The following DOCK7 variants were observed in gnomAD, a reference collection of about 807,000 sequenced individuals.
The protein encoded by DOCK7 is dedicator of cytokinesis 7.
Under a neutral mutation model 271.0 loss-of-function variants are expected in DOCK7, and 138 were observed. That is an observed-to-expected ratio of 0.51 (90% confidence interval 0.44 to 0.59). DOCK7 has a LOEUF of 0.59. Among genes scored for constraint, DOCK7 ranks in the 20% least tolerant of loss-of-function variants. The pLI, the probability that DOCK7 is intolerant of heterozygous loss-of-function variation, is 0.00. For synonymous variants in DOCK7, 823 were observed against 876.1 expected, an observed-to-expected ratio of 0.94 and a Z score of 1.07; for missense variants, 2,066 against 2,592.4, an observed-to-expected ratio of 0.80 and a Z score of 4.41.
chr1:62,515,400 G>C (rs1043250522), intron 31 of DOCK7, among the ~76,000 whole-genome samples: 3 of 152,168 alleles, frequency 2.0e-5, no homozygotes, highest in Non-Finnish European at 4.4e-5. Flanking sequence ...TAAGGAAAAT[G>C]CTCCTTTATT....
Position 62,475,921 on chromosome 1 carries a change from A to G in DOCK7, c.5747T>C (p.Val1916Ala). 1 of 1,613,906 alleles carries G rather than the reference A, an allele frequency of 6.2e-7. No individual in the cohort carries two copies. Among genetic ancestry groups the G allele is most frequent in the Non-Finnish European group, 8.5e-7 (1 of 1,179,892 alleles). ...CTCATATGTGTCAAAGTATGGCTCC[A>G]CATAGGTAATCTGAATATATGCCTA... is the stretch of plus-strand genomic sequence containing the variant. ...PNKAYIQITY[V>A]EPYFDTYEMK... The change falls in exon 46 of 50, where the codon GTG (valine) becomes GCG (alanine). Residue 1916 changes from valine (V) to alanine (A), a missense_variant. Coordinates refer to ENST00000635253, the MANE Select transcript of DOCK7 (RefSeq NM_001367561.1).
At chr1:62,662,297 A>C (rs1246450729) in intron 2 of DOCK7, among the ~76,000 whole-genome samples, 1 of 152,188 alleles carries the variant, frequency 6.6e-6, no homozygotes, top group Non-Finnish European at 1.5e-5. Flanking sequence ...TTCTTTAATA[A>C]GAGAACATTT....
At chr1:62,684,942 T>C (rs895386318) in intron 1 of DOCK7, among the ~76,000 whole-genome samples, 1 of 152,214 alleles carries the variant, frequency 6.6e-6, no homozygotes, top group East Asian at 1.9e-4. Flanking sequence ...ATAATTCTTT[T>C]TAAAGTATAG....
intron 1 of DOCK7, among the ~76,000 whole-genome samples, chr1:62,668,717 A>C (rs1659591176): frequency 6.6e-6 from 1 of 151,868 alleles, no homozygotes; most frequent in African/African-American, 2.4e-5. Flanking sequence ...ACATGGCAAA[A>C]CTCTGTCTCT....
chr1:62,533,816 A>G (rs762590782), intron 29 of DOCK7, among the ~76,000 whole-genome samples: 4 of 152,172 alleles, frequency 2.6e-5, no homozygotes, highest in Admixed American at 6.5e-5. Context: ...TAAATATATC[A>G]GCAGAACCTT....
At chr1:62,523,616 GC>G (rs1644914538) in intron 31 of DOCK7, among the ~76,000 whole-genome samples, 1 of 152,100 alleles carries the variant, frequency 6.6e-6, no homozygotes, top group African/African-American at 2.4e-5. Flanking sequence ...CGCCTGTAAT[GC>G]CAGCACTTTG....
chr1:62,464,620 T>G (rs1645623528), intron 48 of DOCK7, among the ~76,000 whole-genome samples: 1 of 151,770 alleles, frequency 6.6e-6, no homozygotes, highest in South Asian at 2.1e-4. Flanking sequence ...AGGTAGAGGT[T>G]GCAGTAAGCC....
In DOCK7 at chr1:62,504,745, C is replaced by T; in HGVS notation, c.4649G>A (p.Cys1550Tyr). Reference sequence around the variant, plus strand: ...GAGAAGCCTGAGGCATAAATCAGCACACTGCTCTGTCTCTTCTTCAAATAA... The same window carrying T: ...GAGAAGCCTGAGGCATAAATCAGCATACTGCTCTGTCTCTTCTTCAAATAA... ...ELLFEEETEQ[C>Y]ADLCLRLLRH... The change falls in exon 37 of 50, where the codon TGT (cysteine) becomes TAT (tyrosine). Residue 1550 changes from cysteine to tyrosine, a missense_variant. By Grantham distance (194) the Cys-to-Tyr change is radical. Transcript: ENST00000635253. 1 of 1,614,100 alleles carries T rather than the reference C, an allele frequency of 6.2e-7. No homozygotes were observed. The highest frequency in any genetic ancestry group is 8.5e-7 in the Non-Finnish European group (1 of 1,179,994).
intron 13 of DOCK7, among the ~76,000 whole-genome samples, chr1:62,619,442 T>C (rs887912711): frequency 6.6e-6 from 1 of 152,218 alleles, no homozygotes; most frequent in Admixed American, 6.5e-5. Context: ...CCCAACCTTA[T>C]AGATACTGTT....
chr1:62,686,669 CACA>C (rs1661789587), intron 1 of DOCK7, among the ~76,000 whole-genome samples: 1 of 152,092 alleles, frequency 6.6e-6, no homozygotes, highest in Admixed American at 6.5e-5. Flanking sequence ...ACTTAATGTT[CACA>C]ACAACACTAT....
chr1:62,537,915 AG>A lies in DOCK7; in HGVS notation c.3446del (p.Pro1149LeufsTer43). The A allele has an allele frequency of 1.2e-6, 2 of 1,613,828 alleles. No homozygotes were observed. Among genetic ancestry groups the A allele is most frequent in the Non-Finnish European group, 1.7e-6 (2 of 1,179,806 alleles). The stretch of plus-strand genomic sequence containing the variant: ...CCTGAGATGTTGCAGAAGAAACAGA[AG>A]GTGATGGAGATGCAGGTGGAGTAAG... ...SLLTPPASPS[P>X]SVSSATSQSS... On this transcript the variant is annotated frameshift_variant, in exon 28 of 50. Transcript: ENST00000635253. LOFTEE classifies it high-confidence loss of function.
intron 34 of DOCK7, among the ~76,000 whole-genome samples, chr1:62,508,842 GAAT>G (rs1644392549): frequency 1.3e-5 from 2 of 151,928 alleles, no homozygotes; most frequent in Non-Finnish European, 2.9e-5. Context: ...AAAAATGTAA[GAAT>G]AATTACACAT....
chr1:62,675,947 T>C (rs984638965), intron 1 of DOCK7, among the ~76,000 whole-genome samples: 1 of 152,152 alleles, frequency 6.6e-6, no homozygotes, highest in Non-Finnish European at 1.5e-5. Flanking sequence ...CTAATAGGAA[T>C]GTAAAATGGC....
intron 31 of DOCK7, among the ~76,000 whole-genome samples, chr1:62,527,105 TA>T (rs1437988061): frequency 6.6e-6 from 1 of 152,208 alleles, no homozygotes; most frequent in Non-Finnish European, 1.5e-5. Flanking sequence ...CAAGTTTCCT[TA>T]AATATTACTG....
At chr1:62,640,955 T>C (rs1273770718) in intron 7 of DOCK7, among the ~76,000 whole-genome samples, 30 of 152,312 alleles carry the variant, frequency 2.0e-4, no homozygotes, top group Non-Finnish European at 3.5e-4. Context: ...AGTAACCTTA[T>C]AGAAAGGCAG....
At chr1:62,574,380 T>C (rs1195909530) in intron 18 of DOCK7, among the ~76,000 whole-genome samples, 1 of 151,784 alleles carries the variant, frequency 6.6e-6, no homozygotes, top group Non-Finnish European at 1.5e-5. Context: ...ACAGACTTTA[T>C]GACAGAGCCA....
At position 62,688,272 on chromosome 1, in the gene DOCK7, G is replaced by A. The variant is rs1662082195; in HGVS notation, c.-8C>T. On this transcript the variant is annotated 5_prime_UTR_variant, in exon 1 of 50. Transcript: ENST00000635253. Reference sequence around the variant, plus strand: ...GGCGCGGCGCTCGGCCATGGCTGCTGCGGCGACGGCGACGGCGGCGGCGGC... The same window carrying A: ...GGCGCGGCGCTCGGCCATGGCTGCTACGGCGACGGCGACGGCGGCGGCGGC... The A allele has an allele frequency of 7.7e-7, 1 of 1,299,500 alleles. No homozygotes were observed. Among genetic ancestry groups the A allele is most frequent in the African/African-American group, 1.6e-5 (1 of 64,482 alleles). The allele number at this position is 1,299,500 out of a possible 1,614,324, so 80.5% of individuals were successfully genotyped here. A position where few individuals can be genotyped will look rare whatever the true frequency, so the allele number is the denominator to read the frequency against.
chr1:62,475,714 TTA>T lies in DOCK7; in HGVS notation c.5952_5953del (p.His1984GlnfsTer10). ...GCCCATTAATGGACTTACCTCTTCTTTATGAGTGACATTGACCCTTGTTTTAA... is the reference window on the plus strand; with the variant it reads ...GCCCATTAATGGACTTACCTCTTCTTTGAGTGACATTGACCCTTGTTTTAA... On this transcript the variant is annotated frameshift_variant, in exon 46 of 50. Coordinates refer to ENST00000635253, the MANE Select transcript of DOCK7 (RefSeq NM_001367561.1). LOFTEE classifies it high-confidence loss of function. 2 of 1,613,818 alleles carry T rather than the reference TTA, an allele frequency of 1.2e-6. No individual in the cohort carries two copies. The highest frequency in any genetic ancestry group is 1.7e-6 in the Non-Finnish European group (2 of 1,179,830).
chr1:62,598,818 T>C (rs760951097), intron 14 of DOCK7: 1 of 1,486,302 alleles, frequency 6.7e-7, no homozygotes, highest in South Asian at 1.1e-5. Context: ...TAAGTCAGTA[T>C]TTTAATGGTA....
Sources: gnomAD v4.1 joint callset for allele counts (sites outside exome capture counted in the v4.1 genomes callset) on GRCh38, gnomAD v4.1.1 for gene constraint, MANE v1.5 for transcripts, NCBI Gene and HGNC (gene_info 2026-07-23, HGNC 2026-07-21) for gene names.